MKLN1: variants seen among roughly 807,000 people sequenced by gnomAD.
The protein encoded by MKLN1 is muskelin 1.
A neutral mutation model predicts 99.0 loss-of-function variants in MKLN1; 18 were observed. The ratio of observed to expected loss-of-function variants is 0.18; its 90% CI spans 0.13 to 0.27. MKLN1 has a LOEUF of 0.27. Ranked by LOEUF, MKLN1 falls within the 10% of genes least tolerant of loss-of-function variation. The pLI, the probability that MKLN1 is intolerant of heterozygous loss-of-function variation, is 1.00. For synonymous variants in MKLN1, 288 were observed against 293.2 expected, an observed-to-expected ratio of 0.98 and a Z score of 0.18; for missense variants, 621 against 875.9, an observed-to-expected ratio of 0.71 and a Z score of 3.67.
intron 1 of MKLN1, among the ~76,000 whole-genome samples, chr7:131,127,396 C>T (rs371547969): frequency 6.6e-6 from 1 of 152,104 alleles, no homozygotes; most frequent in South Asian, 2.1e-4. Context: ...GCGAGTACGA[C>T]TGAAGAACAG....
intron 1 of MKLN1, among the ~76,000 whole-genome samples, chr7:131,357,615 C>T (rs1225155307): frequency 6.6e-6 from 1 of 152,006 alleles, no homozygotes; most frequent in Non-Finnish European, 1.5e-5. Flanking sequence ...TATTATAATC[C>T]AGTACTACTT....
chr7:131,380,229 T>C (rs775510653), intron 2 of MKLN1, among the ~76,000 whole-genome samples: 9 of 152,166 alleles, frequency 5.9e-5, no homozygotes, highest in Non-Finnish European at 1.2e-4. Flanking sequence ...GTAGAAGATA[T>C]ACTTTTTTAG....
At chr7:131,332,337 TTA>T (rs1468142156) in intron 1 of MKLN1, among the ~76,000 whole-genome samples, 1 of 148,436 alleles carries the variant, frequency 6.7e-6, no homozygotes, top group Non-Finnish European at 1.5e-5. Context: ...TTATATATTA[TTA>T]TGTTAAAAAT....
chr7:131,179,469 C>G (rs1376332762), intron 2 of MKLN1, among the ~76,000 whole-genome samples: 2 of 152,178 alleles, frequency 1.3e-5, no homozygotes, highest in African/African-American at 4.8e-5. Flanking sequence ...AATAAGTTAT[C>G]AAGAGTGACA....
At chr7:131,244,794 C>A (rs976372362) in intron 3 of MKLN1, among the ~76,000 whole-genome samples, 3 of 152,094 alleles carry the variant, frequency 2.0e-5, no homozygotes, top group African/African-American at 7.2e-5. Flanking sequence ...CTTCTTTCCT[C>A]TTTCTAGTCT....
At chr7:131,257,947 C>G (rs1385751891) in intron 3 of MKLN1, among the ~76,000 whole-genome samples, 4 of 151,748 alleles carry the variant, frequency 2.6e-5, no homozygotes, top group African/African-American at 9.7e-5. Flanking sequence ...TAATGAGACC[C>G]CATATCTACA....
chr7:131,470,068 T>C (rs1423126250), intron 15 of MKLN1, among the ~76,000 whole-genome samples: 1 of 152,140 alleles, frequency 6.6e-6, no homozygotes, highest in African/African-American at 2.4e-5. Context: ...GGTTTTGCCA[T>C]GTTGGCCAAG....
At chr7:131,142,397 C>A (rs1205728972) in intron 1 of MKLN1, among the ~76,000 whole-genome samples, 2 of 142,488 alleles carry the variant, frequency 1.4e-5, no homozygotes, top group South Asian at 2.2e-4. Context: ...GGTGACAGAG[C>A]GAGACTCCAT....
intron 1 of MKLN1, among the ~76,000 whole-genome samples, chr7:131,329,669 G>T (rs1056406660): frequency 6.6e-6 from 1 of 152,164 alleles, no homozygotes; most frequent in Non-Finnish European, 1.5e-5. Context: ...GATAACACAA[G>T]TACCATCCGC....
At chr7:131,354,946 A>G (rs778632678) in intron 1 of MKLN1, among the ~76,000 whole-genome samples, 10 of 151,832 alleles carry the variant, frequency 6.6e-5, no homozygotes, top group Non-Finnish European at 1.3e-4. Context: ...ATTTATTTTT[A>G]TTTTTAAATT....
At chr7:131,189,527 AAAAC>A (rs1273731584) in intron 2 of MKLN1, among the ~76,000 whole-genome samples, 1 of 42,310 alleles carries the variant, frequency 2.4e-5, no homozygotes, top group African/African-American at 7.7e-5. Flanking sequence ...TTTATATTAA[AAAAC>A]AAACAAAAAA....
chr7:131,203,181 C>G (rs56738655), intron 3 of MKLN1, among the ~76,000 whole-genome samples: 303 of 152,216 alleles, frequency 2.0e-3, no homozygotes, highest in Non-Finnish European at 3.6e-3. Flanking sequence ...CTCCCAAGTC[C>G]GAGCACTGTA....
intron 12 of MKLN1, among the ~76,000 whole-genome samples, chr7:131,451,690 AATAC>A (rs1328312304): frequency 6.6e-6 from 1 of 152,216 alleles, no homozygotes; most frequent in Non-Finnish European, 1.5e-5. Flanking sequence ...CATTGTGTCT[AATAC>A]ATACATAATT....
chr7:131,157,372 C>T (rs547707668), intron 2 of MKLN1, among the ~76,000 whole-genome samples: 18 of 151,956 alleles, frequency 1.2e-4, no homozygotes, highest in South Asian at 4.2e-4. Context: ...CACTCCAGCC[C>T]GGCTGACAGA....
intron 3 of MKLN1, among the ~76,000 whole-genome samples, chr7:131,322,826 TC>T (rs1798809667): frequency 1.3e-5 from 2 of 152,068 alleles, no homozygotes; most frequent in South Asian, 4.2e-4. Flanking sequence ...CGCCTCGGCC[TC>T]CCAAAGTGCT....
At chr7:131,252,329 CTTTTTTT>C (rs60581249) in intron 3 of MKLN1, among the ~76,000 whole-genome samples, 1 of 118,532 alleles carries the variant, frequency 8.4e-6, no homozygotes, top group Non-Finnish European at 1.7e-5. Context: ...TTTTTCTTTT[CTTTTTTT>C]TTTTTTTTTT....
At chr7:131,216,337 C>T (rs1297735025) in intron 3 of MKLN1, among the ~76,000 whole-genome samples, 4 of 151,090 alleles carry the variant, frequency 2.6e-5, no homozygotes, top group African/African-American at 4.9e-5. Flanking sequence ...GCAGGAGAAT[C>T]GCTTAAAACC....
rs1796222978 is a variant in MKLN1, at chr7:131,452,809, A to T, written c.1525+6906A>T. ...TGTGATCCGCCCGCCTCGGCCTCCC[A>T]AAGTGCTGGGATTACAGGCGTGAGC... is the stretch of plus-strand genomic sequence containing the variant. On this transcript the variant is annotated intron_variant, in intron 12 of 17. Transcript: ENST00000352689. Among the ~76,000 whole-genome samples the T allele has an allele frequency of 2.6e-5, 4 of 152,244 alleles. No individual in the cohort carries two copies. In the South Asian group the frequency reaches 8.3e-4, roughly 32 times the overall value.
intron 3 of MKLN1, among the ~76,000 whole-genome samples, chr7:131,255,419 A>G (rs1433341792): frequency 6.6e-6 from 1 of 152,240 alleles, no homozygotes; most frequent in Non-Finnish European, 1.5e-5. Flanking sequence ...ACAAAAAACC[A>G]AACATACAAT....
Sources: gnomAD v4.1 joint callset for allele counts (sites outside exome capture counted in the v4.1 genomes callset) on GRCh38, gnomAD v4.1.1 for gene constraint, MANE v1.5 for transcripts, NCBI Gene and HGNC (gene_info 2026-07-23, HGNC 2026-07-21) for gene names.